HSD17B12: variants seen among roughly 807,000 people sequenced by gnomAD.
The protein encoded by HSD17B12 is very-long-chain 3-oxoacyl-CoA reductase.
In HSD17B12, 32 loss-of-function variants were observed where a neutral mutation model predicts 39.3. The observed-to-expected ratio is 0.81, with a 90% CI of 0.61 to 1.09. HSD17B12 has a LOEUF of 1.09. Ranked by LOEUF, HSD17B12 falls within the 50% of genes least tolerant of loss-of-function variation. The pLI is 0.00. For synonymous variants in HSD17B12, 150 were observed against 146.7 expected (o/e 1.02, Z -0.16); for missense variants, 342 against 382.9 (o/e 0.89, Z 0.89).
intron 1 of HSD17B12, among the ~76,000 whole-genome samples, chr11:43,702,395 T>A (rs528944342): frequency 6.6e-6 from 1 of 152,310 alleles, no homozygotes; most frequent in East Asian, 1.9e-4. Context: ...GTCAGCATCT[T>A]TGTCATGTTC....
At chr11:43,619,200 T>TATATATATATAAAATATATATATG in the HSD17B12 span, among the ~76,000 whole-genome samples, 409 of 49,454 alleles carry the variant, frequency 8.3e-3, 7 homozygotes, top group African/African-American at 0.028. Flanking sequence ...ATATATATGA[T>TATATATATATAAAATATATATATG]ATATATATAT....
intron 3 of HSD17B12, among the ~76,000 whole-genome samples, chr11:43,758,679 A>C (rs1446125646): frequency 6.6e-6 from 1 of 152,098 alleles, no homozygotes; most frequent in Non-Finnish European, 1.5e-5. Flanking sequence ...TGCCGTTTTT[A>C]TTCTATAAGT....
intron 1 of HSD17B12, among the ~76,000 whole-genome samples, chr11:43,730,117 GGTCT>G (rs1950255417): frequency 6.6e-6 from 1 of 151,798 alleles, no homozygotes; most frequent in East Asian, 1.9e-4. Flanking sequence ...GGACTCATAG[GGTCT>G]TGGGTGTTCA....
intron 1 of HSD17B12, among the ~76,000 whole-genome samples, chr11:43,699,254 C>G (rs1258751458): frequency 6.6e-6 from 1 of 152,046 alleles, no homozygotes; most frequent in Non-Finnish European, 1.5e-5. Context: ...ACTCAATACC[C>G]CACTGTTCCC....
the HSD17B12 span, among the ~76,000 whole-genome samples, chr11:43,560,235 T>C: frequency 6.6e-6 from 1 of 152,202 alleles, no homozygotes; most frequent in South Asian, 2.1e-4. Context: ...ACCAGAACAA[T>C]GGAGATGCTG....
the HSD17B12 span, among the ~76,000 whole-genome samples, chr11:43,664,360 T>C: frequency 6.6e-6 from 1 of 152,224 alleles, no homozygotes; most frequent in Admixed American, 6.5e-5. Context: ...AAAAGAATAT[T>C]TGTACTGGCT....
At chr11:43,675,981 G>A (rs891114534), upstream of HSD17B12, among the ~76,000 whole-genome samples, 4 of 152,016 alleles carry the variant, frequency 2.6e-5, no homozygotes, top group Non-Finnish European at 4.4e-5. Flanking sequence ...GCATAATGGC[G>A]GGCACCTGTA....
At chr11:43,815,279 T>C (rs772661146) in intron 4 of HSD17B12, among the ~76,000 whole-genome samples, 158 bp from the exon 5 acceptor site, 2 of 152,284 alleles carry the variant, frequency 1.3e-5, no homozygotes, top group Middle Eastern at 3.4e-3. Context: ...TAAGGATAGA[T>C]TTTGGACAGA....
intron 1 of HSD17B12, among the ~76,000 whole-genome samples, chr11:43,749,031 A>G (rs1233190498): frequency 6.6e-5 from 10 of 152,208 alleles, no homozygotes; most frequent in Admixed American, 4.6e-4. Context: ...TAATATAACA[A>G]AACAAAAGAT....
At chr11:43,792,441 A>G (rs2135033296) in intron 3 of HSD17B12, among the ~76,000 whole-genome samples, 1 of 152,242 alleles carries the variant, frequency 6.6e-6, no homozygotes, top group Non-Finnish European at 1.5e-5. Flanking sequence ...CTGTTTCTCT[A>G]AGAGTCTCCT....
the HSD17B12 span, among the ~76,000 whole-genome samples, chr11:43,672,065 T>A: frequency 6.6e-6 from 1 of 152,172 alleles, no homozygotes; most frequent in Non-Finnish European, 1.5e-5. Flanking sequence ...TTATTTTTTT[T>A]AGAGACCGAG....
intron 1 of HSD17B12, among the ~76,000 whole-genome samples, chr11:43,707,380 GA>G: frequency 6.6e-6 from 1 of 152,212 alleles, no homozygotes; most frequent in Non-Finnish European, 1.5e-5. Context: ...GATGGTTAGG[GA>G]AGATTTTCTC....
chr11:43,574,458 C>T, the HSD17B12 span, among the ~76,000 whole-genome samples: 1 of 152,214 alleles, frequency 6.6e-6, no homozygotes, highest in African/African-American at 2.4e-5. Flanking sequence ...CCAAGTGGAT[C>T]TAGGATATGT....
chr11:43,601,185 G>A, the HSD17B12 span, among the ~76,000 whole-genome samples: 6 of 150,892 alleles, frequency 4.0e-5, no homozygotes, highest in African/African-American at 1.5e-4. Context: ...ATCTCATTCT[G>A]TTGTTATATC....
chr11:43,693,254 GA>G lies in HSD17B12; in HGVS notation c.160+12269del, dbSNP rs533409186. Among the ~76,000 whole-genome samples the G allele has an allele frequency of 1.6e-3, 249 of 152,312 alleles. 1 individual carries two copies. Among genetic ancestry groups the G allele is most frequent in the African/African-American group, 5.7e-3 (237 of 41,572 alleles). On this transcript the variant is annotated intron_variant, in intron 1 of 10. Transcript: ENST00000278353. Reference sequence around the variant, plus strand: ...AGCAGCAGGCTCTGACAGCAAAGTGGAAGAGATTTGTCTGGGTTGAATTAGA... The same window carrying G: ...AGCAGCAGGCTCTGACAGCAAAGTGGAGAGATTTGTCTGGGTTGAATTAGA...
At chr11:43,599,068 T>C in the HSD17B12 span, among the ~76,000 whole-genome samples, 2 of 152,200 alleles carry the variant, frequency 1.3e-5, no homozygotes, top group Non-Finnish European at 2.9e-5. Flanking sequence ...AGACATATAC[T>C]CTCCTTCCGT....
the HSD17B12 span, among the ~76,000 whole-genome samples, chr11:43,564,389 T>C: frequency 6.6e-6 from 1 of 152,200 alleles, no homozygotes; most frequent in Non-Finnish European, 1.5e-5. Context: ...TGGGAAATGA[T>C]ATAAGGGACA....
chr11:43,751,660 G>T (rs1262481752), intron 2 of HSD17B12, among the ~76,000 whole-genome samples: 1 of 152,150 alleles, frequency 6.6e-6, no homozygotes, highest in Non-Finnish European at 1.5e-5. Context: ...TTATTTGGAA[G>T]AATATCAAAA....
chr11:43,702,270 C>A (rs1046780418), intron 1 of HSD17B12, among the ~76,000 whole-genome samples: 1 of 152,168 alleles, frequency 6.6e-6, no homozygotes, highest in African/African-American at 2.4e-5. Flanking sequence ...TACATCATCT[C>A]CAAACAAGGA....
Sources: allele counts gnomAD v4.1 joint callset (sites outside exome capture counted in the v4.1 genomes callset), GRCh38; gene constraint gnomAD v4.1.1; transcripts MANE v1.5; gene names NCBI Gene and HGNC (gene_info 2026-07-23, HGNC 2026-07-21).